Variants in KMT2D observed in about 807,000 individuals in gnomAD.
The protein encoded by KMT2D is histone-lysine N-methyltransferase 2D.
KMT2D carries 55 observed loss-of-function variants against 512.7 expected under a neutral mutation model. That is an observed-to-expected ratio of 0.11 (90% CI 0.09 to 0.13). The LOEUF (loss-of-function observed/expected upper bound fraction) is 0.13. KMT2D is among the 10% of genes least tolerant of loss of function. The pLI, the probability that KMT2D is intolerant of heterozygous loss-of-function variation, is 1.00. For missense variants in KMT2D, 6,061 were observed against 7,127.9 expected, an observed-to-expected ratio of 0.85 and a Z score of 5.39; for synonymous variants, 2,995 against 2,904.0, an observed-to-expected ratio of 1.03 and a Z score of -1.01.
At position 49,033,386 on chromosome 12, in the gene KMT2D, G is replaced by A. The variant is rs887378170; in HGVS notation, c.11319C>T (p.Pro3773=). The change falls in exon 40 of 55, where the codon CCC becomes CCT. Residue 3773 remains proline, a synonymous_variant. Coordinates refer to ENST00000301067, the MANE Select transcript of KMT2D (RefSeq NM_003482.4). Reference sequence around the variant, plus strand: ...GGCTGCTGGGAGGCATAAGGCCCTGGGGCTTGGGACCCAGAGCTTGGTTTG... The same window carrying A: ...GGCTGCTGGGAGGCATAAGGCCCTGAGGCTTGGGACCCAGAGCTTGGTTTG... ...VQTNQALGPK[P]QGLMPPSSHQ... The A allele has an allele frequency of 8.3e-6, 13 of 1,574,444 alleles. No individual in the cohort carries two copies. Among genetic ancestry groups the A allele is most frequent in the African/African-American group, 1.4e-5 (1 of 73,934 alleles).
rs1292417873 is a variant in KMT2D at position 49,051,962 on chromosome 12, G to A, written c.1721C>T (p.Pro574Leu). ...GGACATGGGTGACTCCTCAGGTGGT[G>A]GAGACAGGCGAGATGCTTCAGGTGG... The part of the protein sequence containing the change: ...SPPPEASRLS[P>L]PPEESPMSPP... Residue 574 changes from proline to leucine, a missense_variant, in exon 11 of 55, where the codon CCA (proline) becomes CTA (leucine). Coordinates refer to ENST00000301067, the MANE Select transcript of KMT2D (RefSeq NM_003482.4). The A allele has an allele frequency of 4.3e-6, 7 of 1,613,670 alleles. No homozygotes were observed. The highest frequency in any genetic ancestry group is 5.9e-6 in the Non-Finnish European group (7 of 1,179,756).
chr12:49,048,170 A>C, intron 14 of KMT2D, 101 bp from the exon 15 acceptor site: 1 of 757,182 alleles, frequency 1.3e-6, no homozygotes. Context: ...GACCAGAGTC[A>C]GGAACCCCAT....
At chr12:49,029,524 C>T (rs1240176602) in intron 43 of KMT2D, 48 bp from the exon 44 acceptor site, 2 of 1,347,948 alleles carry the variant, frequency 1.5e-6, no homozygotes, top group East Asian at 5.0e-5. Flanking sequence ...GTGGCCAGGG[C>T]TGATGGTACC....
At position 49,054,631 on chromosome 12, in the gene KMT2D, A is replaced by C. The variant is rs2120711707; in HGVS notation, c.297T>G (p.Pro99=). 6.2e-7 allele frequency: 1 copy of C among 1,613,182 alleles called. No homozygotes were observed. Among genetic ancestry groups the C allele is most frequent in the South Asian group, 1.1e-5 (1 of 90,976 alleles). ...FDWPRCPVVS[P]GGSPGPNEAV... is the part of the protein sequence containing the mutation. ...CCTCATTGGGCCCTGGGCTCCCCCCAGGGGACACCACTGGACACCGGGGCC... is the reference window on the plus strand; with the variant it reads ...CCTCATTGGGCCCTGGGCTCCCCCCCGGGGACACCACTGGACACCGGGGCC... Residue 99 remains proline (P), a synonymous_variant, in exon 4 of 55, where the codon CCT becomes CCG. Transcript: ENST00000301067. The surrounding 1 kb of genome is among the most constrained non-coding windows in gnomAD (Gnocchi z 6.4).
At position 49,046,278 on chromosome 12, in the gene KMT2D, T is replaced by C. The variant is rs1592145879; in HGVS notation, c.4565A>G (p.Gln1522Arg). ...TTCTCACCGTTCACAGTGGCGGCAC[T>C]GGATTAGTAGGTCCTCTTCTACGTA... ...APYVEEDLLI[Q>R]CRHCERWMHA... The change falls in exon 17 of 55, where the codon CAG becomes CGG. Residue 1522 changes from glutamine to arginine, a missense_variant. Physicochemically the swap from Gln to Arg is conservative, Grantham distance 43. Coordinates refer to ENST00000301067, the MANE Select transcript of KMT2D (RefSeq NM_003482.4). This position sits in a 1 kb window ranked among gnomAD's most constrained non-coding sequence, Gnocchi z 4.2. 6.2e-7 allele frequency: 1 copy of C among 1,613,962 alleles called. No individual in the cohort carries two copies. The highest frequency in any genetic ancestry group is 8.5e-7 in the Non-Finnish European group (1 of 1,179,882).
Position 49,028,406 on chromosome 12 carries a change from T to C in KMT2D, c.14383-265A>G, listed in dbSNP as rs559993864. 2.2e-4 allele frequency among the ~76,000 whole-genome samples: 33 copies of C among 152,354 alleles called. No homozygotes were observed. In the South Asian group the frequency reaches 6.8e-3, roughly 32 times the overall value. The stretch of plus-strand genomic sequence containing the variant: ...GCTCTATCCATGACTTGGAGGCTCA[T>C]GATACACGTTAGCAAATTAAAAGGA... On this transcript the variant is annotated intron_variant, in intron 46 of 54. Coordinates refer to ENST00000301067, the MANE Select transcript of KMT2D (RefSeq NM_003482.4).
At chr12:49,056,073 CAACACCAA>C (rs1938389864) in intron 1 of KMT2D, among the ~76,000 whole-genome samples, 1 of 152,208 alleles carries the variant, frequency 6.6e-6, no homozygotes, top group South Asian at 2.1e-4. Flanking sequence ...TTGCCCTTAG[CAACACCAA>C]CTGCCCTTCC....
rs1382639107 is a variant in KMT2D at position 49,041,323 on chromosome 12, C to G, written c.6447G>C (p.Ser2149=). 1 of 1,537,224 alleles carries G rather than the reference C, an allele frequency of 6.5e-7. No individual in the cohort carries two copies. ...CACCAGGCGAGTCAGGGCCAGGCACCGAGCCCGCCGGCGGCTTCAGGAACC... is the reference window on the plus strand; with the variant it reads ...CACCAGGCGAGTCAGGGCCAGGCACGGAGCCCGCCGGCGGCTTCAGGAACC... ...ADGFLKPPAG[S]VPGPDSPGEL... The change falls in exon 32 of 55, where the codon TCG becomes TCC. Residue 2149 remains serine, a synonymous_variant. Coordinates refer to ENST00000301067, the MANE Select transcript of KMT2D (RefSeq NM_003482.4). The surrounding 1 kb of genome is among the most constrained non-coding windows in gnomAD (Gnocchi z 5.4).
rs1277302689 is a variant in KMT2D, at chr12:49,041,216, A to G, written c.6554T>C (p.Leu2185Pro). Reference sequence around the variant, plus strand: ...CGGTGCCGTGGGGAAGCGGGGCTCCAGGGGATAGGCAGGGGCCAGTCCAAA... The same window carrying G: ...CGGTGCCGTGGGGAAGCGGGGCTCCGGGGGATAGGCAGGGGCCAGTCCAAA... ...DPFGLAPAYP[L>P]EPRFPTAPPT... The change falls in exon 32 of 55, where the codon CTG becomes CCG. Residue 2185 changes from leucine (L) to proline (P), a missense_variant. Physicochemically the swap from Leu to Pro is moderately conservative, Grantham distance 98 (BLOSUM62 -3). Coordinates refer to ENST00000301067, the MANE Select transcript of KMT2D (RefSeq NM_003482.4). This position sits in a 1 kb window ranked among gnomAD's most constrained non-coding sequence, Gnocchi z 5.4. The G allele has an allele frequency of 5.3e-6, 8 of 1,512,502 alleles. No homozygotes were observed. The South Asian group carries it at 8.1e-5, about 15-fold the overall frequency. 93.7% of individuals were successfully genotyped at this position (1,512,502 alleles called of 1,614,324 possible). A position where few individuals can be genotyped will look rare whatever the true frequency, so the allele number is the denominator to read the frequency against.
At position 49,054,785 on chromosome 12, in the gene KMT2D, C is replaced by T. The variant is rs781453591; in HGVS notation, c.177-34G>A. ...ACACAAGCATCAGTACCACGCCAGG[C>T]CCCCAGCAACCCCATGATCTGGCAT... is the stretch of plus-strand genomic sequence containing the variant. On this transcript the variant is annotated intron_variant, in intron 3 of 54. Transcript: ENST00000301067. This position sits in a 1 kb window ranked among gnomAD's most constrained non-coding sequence, Gnocchi z 6.4. 2 of 1,606,888 alleles carry T rather than the reference C, an allele frequency of 1.2e-6. No individual in the cohort carries two copies. Among genetic ancestry groups the T allele is most frequent in the Admixed American group, 3.3e-5 (2 of 59,908 alleles).
At chr12:49,045,713 AG>A (rs1943753683) in intron 19 of KMT2D, among the ~76,000 whole-genome samples, 1 of 152,114 alleles carries the variant, frequency 6.6e-6, no homozygotes, top group Non-Finnish European at 1.5e-5. Context: ...GCCTGATGAA[AG>A]GAACATTGCC....
rs1943483373 is a variant in KMT2D at position 49,040,885 on chromosome 12, G to A, written c.6885C>T (p.Ser2295=). Residue 2295 remains serine, a synonymous_variant, in exon 32 of 55, where the codon TCC becomes TCT. Transcript: ENST00000301067. ...GGTTTGGGGGCCCATAGCTAGGAGA[G>A]GATGCCCCAAGCTCTTCCTTCTTCA... ...LEVKKEELGA[S]SPSYGPPNLG... is the part of the protein sequence containing the mutation. 1.2e-6 allele frequency: 2 copies of A among 1,613,856 alleles called. No individual in the cohort carries two copies. Among genetic ancestry groups the A allele is most frequent in the South Asian group, 2.2e-5 (2 of 91,088 alleles).
chr12:49,024,052 C>A lies in KMT2D; in HGVS notation c.16052+526G>T, dbSNP rs1161314881. 2.2e-6 allele frequency: 1 copy of A among 455,364 alleles called. No individual in the cohort carries two copies. The highest frequency in any genetic ancestry group is 4.4e-6 in the Non-Finnish European group (1 of 226,764). 28.2% of individuals were successfully genotyped at this position (455,364 alleles called of 1,614,324 possible). A position where few individuals can be genotyped will look rare whatever the true frequency, so the allele number is the denominator to read the frequency against. ...GGGGTCATACCACCTGCCCTACCTACCTCATAAGGTTGTTGTGAGGATCAA... is the reference window on the plus strand; with the variant it reads ...GGGGTCATACCACCTGCCCTACCTAACTCATAAGGTTGTTGTGAGGATCAA... On this transcript the variant is annotated intron_variant, in intron 51 of 54. Transcript: ENST00000301067. The surrounding 1 kb of genome is among the most constrained non-coding windows in gnomAD (Gnocchi z 4.5).
At chr12:49,056,650 A>G (rs1938428693) in intron 1 of KMT2D, among the ~76,000 whole-genome samples, 1 of 152,114 alleles carries the variant, frequency 6.6e-6, no homozygotes, top group Admixed American at 6.5e-5. Context: ...CAAACAATAA[A>G]AGTTTGAGAA....
chr12:49,039,591 A>G lies in KMT2D; in HGVS notation c.8073T>C (p.Ile2691=), dbSNP rs1289293015. Residue 2691 remains isoleucine, a synonymous_variant, in exon 33 of 55, where the codon ATT becomes ATC. Transcript: ENST00000301067. This position sits in a 1 kb window ranked among gnomAD's most constrained non-coding sequence, Gnocchi z 5.0. ...RQRQRLRELL[I]RQQIQRNTLR... Reference sequence around the variant, plus strand: ...GGGTGTTGCGCTGGATCTGCTGCCGAATCAGCAGCTCTCGTAGTCGCTGGC... The same window carrying G: ...GGGTGTTGCGCTGGATCTGCTGCCGGATCAGCAGCTCTCGTAGTCGCTGGC... 2 of 1,610,668 alleles carry G rather than the reference A, an allele frequency of 1.2e-6. No individual in the cohort carries two copies. Among genetic ancestry groups the G allele is most frequent in the Non-Finnish European group, 1.7e-6 (2 of 1,179,592 alleles).
chr12:49,044,133 C>A lies in KMT2D; in HGVS notation c.5188+67G>T, dbSNP rs945041483. On this transcript the variant is annotated intron_variant, in intron 22 of 54. Transcript: ENST00000301067. This position sits in a 1 kb window ranked among gnomAD's most constrained non-coding sequence, Gnocchi z 6.4. ...CCTCTTGGCCCTTTCAATGAGTCCA[C>A]CCCCTGGGTCTCTCTAGCATTGCCC... The A allele has an allele frequency of 5.7e-6, 9 of 1,586,400 alleles. No individual in the cohort carries two copies. The highest frequency in any genetic ancestry group is 1.1e-5 in the South Asian group (1 of 89,024).
chr12:49,053,067 G>A lies in KMT2D; in HGVS notation c.960C>T (p.Cys320=), dbSNP rs2120693117. Residue 320 remains cysteine (C), a synonymous_variant, in exon 9 of 55, where the codon TGC becomes TGT. Transcript: ENST00000301067. ...CCGCCCCACAGGCCCGGCACACCCG[G>A]CACGCCTAAGGGAAGGGAGTGGGCA... is the stretch of plus-strand genomic sequence containing the variant. The part of the protein sequence containing the change: ...LPAHSWKCKA[C]RVCRACGAGS... 6.2e-7 allele frequency: 1 copy of A among 1,614,026 alleles called. No individual in the cohort carries two copies. Among genetic ancestry groups the A allele is most frequent in the Non-Finnish European group, 8.5e-7 (1 of 1,179,886 alleles).
chr12:49,039,436 T>C lies in KMT2D; in HGVS notation c.8228A>G (p.Gln2743Arg), dbSNP rs2120511268. ...ACTATCCCTTGCCACTCTACCTACC[T>C]GTGTCCCAGCAAAGGGGGTCTGGCC... ...SRGQTPFAGT[Q>R]DKSSLVGLPP... The change falls in exon 33 of 55, where the codon CAG becomes CGG. Residue 2743 changes from glutamine to arginine, a missense_variant and splice_region_variant. Physicochemically the swap from Gln to Arg is conservative, Grantham distance 43. Around this residue, in one of 16 missense-constraint regions of KMT2D, gnomAD observed 527 missense variants for 578.9 expected, o/e 0.91. Coordinates refer to ENST00000301067, the MANE Select transcript of KMT2D (RefSeq NM_003482.4). The surrounding 1 kb of genome is among the most constrained non-coding windows in gnomAD (Gnocchi z 5.0). 6.3e-7 allele frequency: 1 copy of C among 1,599,776 alleles called. No individual in the cohort carries two copies. Among genetic ancestry groups the C allele is most frequent in the Admixed American group, 1.7e-5 (1 of 58,690 alleles).
chr12:49,051,751 C>A lies in KMT2D; in HGVS notation c.1932G>T (p.Met644Ile), dbSNP rs2120675722. 1 of 1,583,064 alleles carries A rather than the reference C, an allele frequency of 6.3e-7. No individual in the cohort carries two copies. The highest frequency in any genetic ancestry group is 8.6e-7 in the Non-Finnish European group (1 of 1,164,938). Residue 644 changes from methionine (M) to isoleucine (I), a missense_variant, in exon 11 of 55, where the codon ATG becomes ATT. Physicochemically the swap from Met to Ile is conservative, Grantham distance 10. Transcript: ENST00000301067. ...GGCGCGATACCTCAGGTGGGGGGGA[C>A]ATAGGTGATTCTTCAGGTGGTGGGG... ...PMSPPPEESP[M>I]SPPPEVSRLS...
Sources: gnomAD v4.1 joint callset for allele counts (sites outside exome capture counted in the v4.1 genomes callset) on GRCh38, gnomAD v4.1.1 for gene constraint, gnomAD v4.1.1 regional missense constraint, Gnocchi (gnomAD v3.1) non-coding constraint, MANE v1.5 for transcripts, NCBI Gene and HGNC (gene_info 2026-07-23, HGNC 2026-07-21) for gene names.